Variants in ATXN7L1 observed in about 807,000 individuals in gnomAD.
ATXN7L1 encodes the protein ataxin 7 like 1.
A neutral mutation model predicts 70.8 loss-of-function variants in ATXN7L1; 15 were observed. That is an observed-to-expected ratio of 0.21 (90% CI 0.14 to 0.33). The LOEUF is 0.33. ATXN7L1 is among the 10% of genes least tolerant of loss of function. The pLI is 1.00. For synonymous variants in ATXN7L1, 440 were observed against 445.1 expected (o/e 0.99, Z 0.14); for missense variants, 975 against 1,097.1 (o/e 0.89, Z 1.57).
intron 2 of ATXN7L1, among the ~76,000 whole-genome samples, chr7:105,830,671 A>T (rs557432964): frequency 6.6e-6 from 1 of 152,350 alleles, no homozygotes; most frequent in African/African-American, 2.4e-5. Context: ...TTAACCCATA[A>T]ATCAACAAAT....
At chr7:105,714,345 A>G (rs887340046) in intron 3 of ATXN7L1, among the ~76,000 whole-genome samples, 7 of 152,240 alleles carry the variant, frequency 4.6e-5, no homozygotes, top group Non-Finnish European at 8.8e-5. Context: ...CCTCCTGACC[A>G]GCTGAATGGG....
Position 105,614,392 on chromosome 7 carries a change from G to A in ATXN7L1, c.1942C>T (p.Gln648Ter). 3 of 1,552,066 alleles carry A rather than the reference G, an allele frequency of 1.9e-6. No homozygotes were observed. The highest frequency in any genetic ancestry group is 2.6e-6 in the Non-Finnish European group (3 of 1,146,988). The change falls in exon 10 of 12, where the codon CAG becomes TAG. Residue 648 changes from glutamine to a stop codon, truncating the protein, a stop_gained. Transcript: ENST00000419735. LOFTEE classifies it high-confidence loss of function. This position sits in a 1 kb window ranked among gnomAD's most constrained non-coding sequence, Gnocchi z 4.3. The part of the protein sequence containing the change: ...ESPSNKKRKP[Q>*]SSTSSSSSSS... Reference sequence around the variant, plus strand: ...GAGGAGGAGGAGGAAGTCGAAGACTGTGGCTTCCTTTTTTTGTTACTTGGA... The same window carrying A: ...GAGGAGGAGGAGGAAGTCGAAGACTATGGCTTCCTTTTTTTGTTACTTGGA...
chr7:105,741,822 C>T (rs977598884), intron 3 of ATXN7L1, among the ~76,000 whole-genome samples: 8 of 152,240 alleles, frequency 5.3e-5, no homozygotes, highest in East Asian at 1.9e-4. Flanking sequence ...ACATGCACAG[C>T]GAGAGCACCT....
At chr7:105,841,632 G>A (rs1040952367) in intron 2 of ATXN7L1, among the ~76,000 whole-genome samples, 8 of 152,004 alleles carry the variant, frequency 5.3e-5, no homozygotes, top group Non-Finnish European at 8.8e-5. Flanking sequence ...GTGGCATCTC[G>A]GTGCTTGCAT....
intron 2 of ATXN7L1, among the ~76,000 whole-genome samples, chr7:105,824,738 C>T (rs1810620847): frequency 6.6e-6 from 1 of 151,718 alleles, no homozygotes; most frequent in African/African-American, 2.4e-5. Flanking sequence ...AGTAAAAGAA[C>T]GTTTTCCAGA....
intron 3 of ATXN7L1, among the ~76,000 whole-genome samples, chr7:105,703,117 AAAACAAAC>A (rs747347852): frequency 6.6e-6 from 1 of 151,938 alleles, no homozygotes; most frequent in Non-Finnish European, 1.5e-5. Flanking sequence ...CTCCGTCTCA[AAAACAAAC>A]AAACAAACAA....
At chr7:105,750,670 G>A (rs1799098903) in intron 3 of ATXN7L1, among the ~76,000 whole-genome samples, 1 of 152,174 alleles carries the variant, frequency 6.6e-6, no homozygotes, top group African/African-American at 2.4e-5. Context: ...GGCCATGGTG[G>A]CAGGCGCCTG....
At chr7:105,699,722 C>G (rs1482597450) in intron 3 of ATXN7L1, among the ~76,000 whole-genome samples, 1 of 152,110 alleles carries the variant, frequency 6.6e-6, no homozygotes, top group Non-Finnish European at 1.5e-5. Flanking sequence ...AAATGTTGGT[C>G]AGGATTCACT....
chr7:105,757,240 C>T (rs943703651), intron 3 of ATXN7L1, among the ~76,000 whole-genome samples: 2 of 151,862 alleles, frequency 1.3e-5, no homozygotes, highest in African/African-American at 2.4e-5. Context: ...CCTCTCTGCT[C>T]ACATTCACTA....
At chr7:105,651,724 G>A (rs1799868780) in intron 4 of ATXN7L1, among the ~76,000 whole-genome samples, 1 of 152,180 alleles carries the variant, frequency 6.6e-6, no homozygotes, top group South Asian at 2.1e-4. Flanking sequence ...CTTAAGCCTG[G>A]ACTAGTGGTT....
At position 105,740,793 on chromosome 7, in the gene ATXN7L1, C is replaced by A. The variant is rs1478157245; in HGVS notation, c.355+47811G>T. On this transcript the variant is annotated intron_variant, in intron 3 of 11. Coordinates refer to ENST00000419735, the MANE Select transcript of ATXN7L1 (RefSeq NM_020725.2). ...CATTTTTTTTTTTTTTTAATGGAGTCTCACTCTGTCGCCCAGGCTGGAGTG... is the reference window on the plus strand; with the variant it reads ...CATTTTTTTTTTTTTTTAATGGAGTATCACTCTGTCGCCCAGGCTGGAGTG... Among the ~76,000 whole-genome samples, 4 of 42,928 alleles carry A rather than the reference C, an allele frequency of 9.3e-5. 1 individual carries two copies. Among genetic ancestry groups the A allele is most frequent in the East Asian group, 3.6e-3 (1 of 274 alleles). The allele number at this position is 42,928 out of a possible 152,430, so 28.2% of individuals were successfully genotyped here.
intron 3 of ATXN7L1, among the ~76,000 whole-genome samples, chr7:105,677,268 T>A (rs1038291035): frequency 1.3e-5 from 2 of 152,228 alleles, no homozygotes; most frequent in Non-Finnish European, 2.9e-5. Context: ...AGATCTGGGC[T>A]CAAATCCCAG....
intron 7 of ATXN7L1, among the ~76,000 whole-genome samples, chr7:105,624,649 C>CAAAAAAAA: frequency 8.7e-6 from 1 of 114,940 alleles, no homozygotes; most frequent in East Asian, 2.6e-4. Context: ...GACTCTGTCT[C>CAAAAAAAA]AAAAAAAAAA....
intron 3 of ATXN7L1, among the ~76,000 whole-genome samples, chr7:105,695,283 T>C (rs981867586): frequency 1.4e-4 from 22 of 152,106 alleles, no homozygotes; most frequent in African/African-American, 5.3e-4. Context: ...CAAGACTCCG[T>C]CTCAAAATAA....
chr7:105,722,221 A>T (rs1050502732), intron 3 of ATXN7L1, among the ~76,000 whole-genome samples: 3 of 152,174 alleles, frequency 2.0e-5, no homozygotes, highest in Non-Finnish European at 4.4e-5. Flanking sequence ...ATGTGTGTAC[A>T]CGTGCGTGCC....
At chr7:105,612,971 G>T (rs1281408492) in intron 10 of ATXN7L1, among the ~76,000 whole-genome samples, 1 of 152,136 alleles carries the variant, frequency 6.6e-6, no homozygotes, top group Non-Finnish European at 1.5e-5. Flanking sequence ...TAGGCTCCCG[G>T]GCAGGTTGGC....
chr7:105,607,604 CAAATG>C lies in ATXN7L1; in HGVS notation c.*243_*247del, dbSNP rs113223563. ...AATTTGGAAGAATGTAAAAACATGG[CAAATG>C]AAAGGAAAGACAGCGGAAACCAAAC... is the stretch of plus-strand genomic sequence containing the variant. On this transcript the variant is annotated 3_prime_UTR_variant, in exon 12 of 12. Coordinates refer to ENST00000419735, the MANE Select transcript of ATXN7L1 (RefSeq NM_020725.2). 5 of 538,136 alleles carry C rather than the reference CAAATG, an allele frequency of 9.3e-6. No individual in the cohort carries two copies. The highest frequency in any genetic ancestry group is 3.1e-5 in the Admixed American group (1 of 32,088). The allele number at this position is 538,136 out of a possible 1,614,324, so 33.3% of individuals were successfully genotyped here.
chr7:105,857,180 T>C (rs902293101), intron 2 of ATXN7L1, among the ~76,000 whole-genome samples: 2 of 152,152 alleles, frequency 1.3e-5, no homozygotes, highest in African/African-American at 2.4e-5. Context: ...ATTCATTCTT[T>C]CATTCATTTT....
intron 8 of ATXN7L1, among the ~76,000 whole-genome samples, chr7:105,623,781 C>A (rs191651301): frequency 6.6e-6 from 1 of 152,234 alleles, no homozygotes; most frequent in East Asian, 1.9e-4. Flanking sequence ...ATTTCTCACG[C>A]GTGCTCGCTT....
Sources: gnomAD v4.1 joint callset for allele counts (sites outside exome capture counted in the v4.1 genomes callset) on GRCh38, gnomAD v4.1.1 for gene constraint, Gnocchi (gnomAD v3.1) non-coding constraint, MANE v1.5 for transcripts, NCBI Gene and HGNC (gene_info 2026-07-23, HGNC 2026-07-21) for gene names.